BEND5: variants seen among roughly 807,000 people sequenced by gnomAD.
BEND5 encodes BEN domain-containing protein 5.
Under a neutral mutation model 43.9 loss-of-function variants are expected in BEND5, and 22 were observed. The observed-to-expected ratio is 0.50, with a 90% CI of 0.36 to 0.72. BEND5 has a LOEUF of 0.72. Ranked by LOEUF, BEND5 falls within the 30% of genes least tolerant of loss-of-function variation. The pLI is 0.00. For synonymous variants in BEND5, 228 were observed against 225.9 expected, an observed-to-expected ratio of 1.01 and a Z score of -0.08; for missense variants, 428 against 550.6, an observed-to-expected ratio of 0.78 and a Z score of 2.23.
At chr1:48,747,156 CT>C (rs1650896424) in intron 3 of BEND5, among the ~76,000 whole-genome samples, 1 of 152,218 alleles carries the variant, frequency 6.6e-6, no homozygotes, top group African/African-American at 2.4e-5. Context: ...ATAATAAGCA[CT>C]TGCGTTAAGA....
intron 3 of BEND5, among the ~76,000 whole-genome samples, chr1:48,753,085 T>C (rs1315573425): frequency 6.6e-6 from 1 of 152,198 alleles, no homozygotes; most frequent in African/African-American, 2.4e-5. Flanking sequence ...GCTGATACTA[T>C]CATTCACTCT....
At chr1:48,728,849 G>C (rs574633274) in intron 5 of BEND5, among the ~76,000 whole-genome samples, 2 of 152,346 alleles carry the variant, frequency 1.3e-5, no homozygotes, top group African/African-American at 4.8e-5. Flanking sequence ...CATTTCAATA[G>C]TACTTGACAT....
intron 5 of BEND5, among the ~76,000 whole-genome samples, chr1:48,734,937 A>G (rs901821040): frequency 5.3e-5 from 8 of 152,342 alleles, no homozygotes; most frequent in African/African-American, 1.9e-4. Flanking sequence ...GTCAGTGGTT[A>G]GGAGCACAGA....
At chr1:48,740,141 A>G (rs1470449639) in intron 4 of BEND5, among the ~76,000 whole-genome samples, 1 of 152,238 alleles carries the variant, frequency 6.6e-6, no homozygotes, top group East Asian at 1.9e-4. Context: ...ACTCAAGTAC[A>G]AGGCCAACTT....
At chr1:48,744,656 TTCTC>T (rs1650446743) in intron 3 of BEND5, among the ~76,000 whole-genome samples, 2 of 152,312 alleles carry the variant, frequency 1.3e-5, no homozygotes, top group East Asian at 3.9e-4. Flanking sequence ...CTTCAGTTGA[TTCTC>T]TCCCATCCAT....
At chr1:48,770,267 TC>T (rs1271359457) in intron 1 of BEND5, among the ~76,000 whole-genome samples, 1 of 152,192 alleles carries the variant, frequency 6.6e-6, no homozygotes, top group Admixed American at 6.5e-5. Flanking sequence ...AGCTGTCCTA[TC>T]CTATGTCTGA....
In BEND5 at chr1:48,727,716, T is replaced by A. The variant is rs561238990; in HGVS notation, c.*170A>T. 1.8e-4 allele frequency: 84 copies of A among 468,062 alleles called. 1 individual carries two copies. Among genetic ancestry groups the A allele is most frequent in the Non-Finnish European group, 2.0e-4 (56 of 273,736 alleles). The allele number at this position is 468,062 out of a possible 1,614,324, so 29.0% of individuals were successfully genotyped here. ...CTGCTCCTGAGTCTCAGCAAAGCCA[T>A]CTGTCGTCTTTGGAGTGTCCACATT... On this transcript the variant is annotated 3_prime_UTR_variant, in exon 6 of 6. Coordinates refer to ENST00000371833, the MANE Select transcript of BEND5 (RefSeq NM_024603.4).
intron 4 of BEND5, among the ~76,000 whole-genome samples, chr1:48,741,016 T>C (rs1649833506): frequency 3.3e-5 from 5 of 152,216 alleles, no homozygotes; most frequent in Admixed American, 3.3e-4. Flanking sequence ...AAATATTAAA[T>C]GAGATTTGAG....
intron 3 of BEND5, among the ~76,000 whole-genome samples, chr1:48,744,428 T>C (rs149693477): frequency 6.6e-6 from 1 of 152,174 alleles, no homozygotes; most frequent in Admixed American, 6.5e-5. Flanking sequence ...AAAAGGTAAT[T>C]ACTTATATTT....
At chr1:48,732,690 G>A (rs1245077076) in intron 5 of BEND5, among the ~76,000 whole-genome samples, 1 of 152,134 alleles carries the variant, frequency 6.6e-6, no homozygotes, top group Non-Finnish European at 1.5e-5. Context: ...GGGAAGTGTG[G>A]TATAAGATGA....
intron 3 of BEND5, among the ~76,000 whole-genome samples, chr1:48,757,066 A>G (rs1373279846): frequency 6.6e-6 from 1 of 152,210 alleles, no homozygotes; most frequent in Non-Finnish European, 1.5e-5. Flanking sequence ...ACCACCCCAG[A>G]GGCTTAGGAG....
At chr1:48,757,662 G>A (rs1404022121) in intron 3 of BEND5, among the ~76,000 whole-genome samples, 24 of 152,166 alleles carry the variant, frequency 1.6e-4, no homozygotes, top group Admixed American at 1.6e-3. Flanking sequence ...CCACTACCTT[G>A]GGGATATACT....
rs187479655 is a variant in BEND5, at chr1:48,739,527, C to T, written c.895-3075G>A. 4.4e-4 allele frequency among the ~76,000 whole-genome samples: 67 copies of T among 152,264 alleles called. No individual in the cohort carries two copies. The Middle Eastern group carries it at 0.01, about 23-fold the overall frequency. On this transcript the variant is annotated intron_variant, in intron 4 of 5. Coordinates refer to ENST00000371833, the MANE Select transcript of BEND5 (RefSeq NM_024603.4). ...TCATTTCCCGCTACTTCCAGTGTGC[C>T]GTAACATCAAGAGGATGGGTGCTGG... is the stretch of plus-strand genomic sequence containing the variant.
chr1:48,742,336 T>C (rs1366553839), intron 4 of BEND5, among the ~76,000 whole-genome samples: 1 of 152,162 alleles, frequency 6.6e-6, no homozygotes, highest in East Asian at 1.9e-4. Flanking sequence ...TTAAGAAATA[T>C]CTTTGTCACT....
chr1:48,770,327 C>A (rs1458072727), intron 1 of BEND5, among the ~76,000 whole-genome samples: 2 of 152,152 alleles, frequency 1.3e-5, no homozygotes, highest in Non-Finnish European at 2.9e-5. Context: ...AAAAGAAACC[C>A]AAACAAGCCT....
At chr1:48,762,112 G>A (rs370652545) in intron 1 of BEND5, among the ~76,000 whole-genome samples, 193 of 152,254 alleles carry the variant, frequency 1.3e-3, no homozygotes, top group African/African-American at 4.5e-3. Context: ...GTTACATGAG[G>A]AAATTCAAAC....
At chr1:48,750,156 T>C (rs1651454723) in intron 3 of BEND5, among the ~76,000 whole-genome samples, 1 of 152,190 alleles carries the variant, frequency 6.6e-6, no homozygotes, top group Non-Finnish European at 1.5e-5. Context: ...CTTTGCTAAA[T>C]GGCTGTTGAT....
intron 1 of BEND5, among the ~76,000 whole-genome samples, chr1:48,763,226 T>C (rs1177458852): frequency 6.6e-6 from 1 of 152,146 alleles, no homozygotes; most frequent in Non-Finnish European, 1.5e-5. Context: ...GAAAACGGCC[T>C]TTCCCACTGA....
At chr1:48,762,042 C>T (rs1644281291) in intron 1 of BEND5, among the ~76,000 whole-genome samples, 1 of 152,116 alleles carries the variant, frequency 6.6e-6, no homozygotes, top group Non-Finnish European at 1.5e-5. Context: ...TTACTGGTAT[C>T]AAATCTCAGC....
Sources: gnomAD v4.1 joint callset for allele counts (sites outside exome capture counted in the v4.1 genomes callset) on GRCh38, gnomAD v4.1.1 for gene constraint, MANE v1.5 for transcripts, NCBI Gene and HGNC (gene_info 2026-07-23, HGNC 2026-07-21) for gene names.